The following STYX variants were observed in gnomAD, a reference collection of about 807,000 sequenced individuals.
STYX encodes serine/threonine/tyrosine interacting protein.
Under a neutral mutation model 42.7 loss-of-function variants are expected in STYX, and 20 were observed. The observed-to-expected ratio is 0.47, with a 90% CI of 0.33 to 0.68. STYX has a LOEUF of 0.68. STYX is among the 30% of genes least tolerant of loss of function. STYX has a pLI of 0.02. For missense variants in STYX, 226 were observed against 268.5 expected (o/e 0.84, Z 1.11); for synonymous variants, 78 against 81.9 (o/e 0.95, Z 0.26).
chr14:52,755,429 T>C (rs1462879039), intron 4 of STYX, among the ~76,000 whole-genome samples: 1 of 152,112 alleles, frequency 6.6e-6, no homozygotes, highest in Non-Finnish European at 1.5e-5. Flanking sequence ...AGCCTCAGCT[T>C]CTCTGTATTA....
intron 4 of STYX, among the ~76,000 whole-genome samples, chr14:52,754,415 G>A (rs1881768470): frequency 7.1e-6 from 1 of 141,680 alleles, no homozygotes; most frequent in African/African-American, 2.6e-5. Flanking sequence ...GTTTTGCTGT[G>A]TTGCCCAGGC....
intron 1 of STYX, among the ~76,000 whole-genome samples, chr14:52,737,059 A>G (rs968871468): frequency 3.9e-5 from 6 of 151,984 alleles, no homozygotes; most frequent in African/African-American, 1.5e-4. Context: ...TTCTTCCCCA[A>G]ACTGTTGCCC....
chr14:52,774,462 G>C lies in STYX; in HGVS notation c.*3356G>C, dbSNP rs941722798. The C allele has an allele frequency of 2.0e-5, 3 of 151,490 alleles. No individual in the cohort carries two copies. Among genetic ancestry groups the C allele is most frequent in the African/African-American group, 7.3e-5 (3 of 41,194 alleles). 9.4% of individuals were successfully genotyped at this position (151,490 alleles called of 1,614,324 possible). A position where few individuals can be genotyped will look rare whatever the true frequency, so the allele number is the denominator to read the frequency against. ...CCATAACAAACATAGCTTCACCTCA[G>C]TATTTTCTTTCTTTCTTTGTTCAAC... On this transcript the variant is annotated 3_prime_UTR_variant, in exon 11 of 11. Transcript: ENST00000354586.
In STYX at chr14:52,773,300, T is replaced by A. The variant is rs950949857; in HGVS notation, c.*2194T>A. On this transcript the variant is annotated 3_prime_UTR_variant, in exon 11 of 11. Coordinates refer to ENST00000354586, the MANE Select transcript of STYX (RefSeq NM_145251.4). ...ACTGGGAAAAGGGACTGTCATCATC[T>A]TGAGTACTCTGTGTGTATATATATA... The A allele has an allele frequency of 2.0e-5, 3 of 151,256 alleles. No homozygotes were observed. The highest frequency in any genetic ancestry group is 2.9e-5 in the Non-Finnish European group (2 of 67,952). 9.4% of individuals were successfully genotyped at this position (151,256 alleles called of 1,614,324 possible).
intron 4 of STYX, among the ~76,000 whole-genome samples, chr14:52,753,203 C>T (rs911876857): frequency 1.3e-5 from 2 of 151,858 alleles, no homozygotes; most frequent in Admixed American, 6.6e-5. Flanking sequence ...GTGCCCACCA[C>T]CACTCCCAGA....
At chr14:52,765,323 AT>A (rs1451934085) in intron 9 of STYX, among the ~76,000 whole-genome samples, 1 of 152,074 alleles carries the variant, frequency 6.6e-6, no homozygotes, top group African/African-American at 2.4e-5. Flanking sequence ...AGTTCAAGTG[AT>A]TCTCCGCTTC....
intron 9 of STYX, among the ~76,000 whole-genome samples, chr14:52,761,015 A>C (rs937134772): frequency 2.6e-5 from 4 of 152,150 alleles, no homozygotes; most frequent in Admixed American, 2.6e-4. Context: ...TTGTATTTGA[A>C]AGAATAGTAT....
intron 4 of STYX, among the ~76,000 whole-genome samples, chr14:52,754,128 T>G (rs559246132): frequency 6.6e-6 from 1 of 152,162 alleles, no homozygotes; most frequent in East Asian, 1.9e-4. Flanking sequence ...GACCTCGTGA[T>G]CCGCCTGCCT....
At chr14:52,744,975 G>C in intron 2 of STYX, 91 bp downstream of exon 2, 1 of 1,046,590 alleles carries the variant, frequency 9.6e-7, no homozygotes, top group Non-Finnish European at 1.4e-6. Context: ...CTGATTTCAT[G>C]ATCTGTAGGT....
intron 1 of STYX, among the ~76,000 whole-genome samples, chr14:52,732,102 T>TTTG (rs1555357973): frequency 1.3e-5 from 2 of 149,270 alleles, no homozygotes; most frequent in African/African-American, 4.9e-5. Context: ...TTTTTTTTTT[T>TTTG]TTTTTTTTTT....
chr14:52,730,389 C>T lies in STYX; in HGVS notation c.-86C>T, dbSNP rs879641182. On this transcript the variant is annotated 5_prime_UTR_variant, in exon 1 of 11. Transcript: ENST00000354586. ...TCAGCCCTCCGCTCCGCCGGCCCTCCTTCCTTCCGCCGCCGCAGCCAGCCC... is the reference window on the plus strand; with the variant it reads ...TCAGCCCTCCGCTCCGCCGGCCCTCTTTCCTTCCGCCGCCGCAGCCAGCCC... 113 of 1,467,870 alleles carry T rather than the reference C, an allele frequency of 7.7e-5. 1 individual carries two copies. The highest frequency in any genetic ancestry group is 9.3e-5 in the Non-Finnish European group (99 of 1,063,720). The allele number at this position is 1,467,870 out of a possible 1,614,324, so 90.9% of individuals were successfully genotyped here.
chr14:52,770,289 G>T (rs936754542), intron 10 of STYX, among the ~76,000 whole-genome samples: 2 of 152,106 alleles, frequency 1.3e-5, no homozygotes, highest in African/African-American at 4.8e-5. Flanking sequence ...TATGCCCTCT[G>T]AATTAACATT....
At chr14:52,750,640 T>C (rs1881574459) in intron 3 of STYX, 43 bp from the exon 4 acceptor site, 2 of 1,246,568 alleles carry the variant, frequency 1.6e-6, no homozygotes, top group Non-Finnish European at 2.2e-6. Flanking sequence ...TATTTTAAAA[T>C]ATTTATCTTC....
intron 1 of STYX, among the ~76,000 whole-genome samples, chr14:52,730,925 A>G (rs1268162491): frequency 6.6e-6 from 1 of 152,128 alleles, no homozygotes; most frequent in Non-Finnish European, 1.5e-5. Flanking sequence ...CACATGTGAA[A>G]TAGACTCGGC....
intron 10 of STYX, among the ~76,000 whole-genome samples, chr14:52,770,172 A>T (rs1367824916): frequency 6.6e-6 from 1 of 152,158 alleles, no homozygotes; most frequent in African/African-American, 2.4e-5. Context: ...ACTTAATCAC[A>T]GTATCTGGGT....
At chr14:52,767,106 G>A (rs1455974657) in intron 9 of STYX, among the ~76,000 whole-genome samples, 1 of 152,100 alleles carries the variant, frequency 6.6e-6, no homozygotes, top group Non-Finnish European at 1.5e-5. Flanking sequence ...TTTTTAGAAG[G>A]GTGGTCAGAA....
Position 52,756,535 on chromosome 14 carries a change from A to T in STYX, c.243-16A>T. 3 of 1,450,934 alleles carry T rather than the reference A, an allele frequency of 2.1e-6. No homozygotes were observed. Among genetic ancestry groups the T allele is most frequent in the Non-Finnish European group, 2.8e-6 (3 of 1,060,388 alleles). 89.9% of individuals were successfully genotyped at this position (1,450,934 alleles called of 1,614,324 possible). On this transcript the variant is annotated splice_polypyrimidine_tract_variant and intron_variant, in intron 4 of 10. Coordinates refer to ENST00000354586, the MANE Select transcript of STYX (RefSeq NM_145251.4). ...TTTACTTAAAGTGTGCTTATCACAA[A>T]ATACTCTATTTTCAGATATTTAGTC...
At chr14:52,755,422 C>T (rs1463697739) in intron 4 of STYX, among the ~76,000 whole-genome samples, 2 of 152,130 alleles carry the variant, frequency 1.3e-5, no homozygotes, top group Non-Finnish European at 2.9e-5. Flanking sequence ...CATGCTCAGC[C>T]TCAGCTTCTC....
At chr14:52,738,667 T>C (rs961457906) in intron 1 of STYX, among the ~76,000 whole-genome samples, 4 of 152,188 alleles carry the variant, frequency 2.6e-5, no homozygotes, top group Non-Finnish European at 4.4e-5. Flanking sequence ...TTACTTTAAG[T>C]TGGAAACACT....
Sources: allele counts gnomAD v4.1 joint callset (sites outside exome capture counted in the v4.1 genomes callset), GRCh38; gene constraint gnomAD v4.1.1; transcripts MANE v1.5; gene names NCBI Gene and HGNC (gene_info 2026-07-23, HGNC 2026-07-21).